SMARCC1: variants seen among roughly 807,000 people sequenced by gnomAD.
The protein encoded by SMARCC1 is SWI/SNF related BAF chromatin remodeling complex subunit C1, also known as SWI/SNF complex subunit SMARCC1.
SMARCC1 carries 43 observed loss-of-function variants against 147.4 expected under a neutral mutation model. The ratio of observed to expected loss-of-function variants is 0.29; its 90% CI spans 0.23 to 0.38. The LOEUF (loss-of-function observed/expected upper bound fraction) is 0.38, where lower values mean the gene tolerates loss of function less well. Among genes scored for constraint, SMARCC1 ranks in the 10% least tolerant of loss-of-function variants. SMARCC1 has a pLI of 1.00. For missense variants in SMARCC1, 1,119 were observed against 1,381.1 expected (o/e 0.81, Z 3.01); for synonymous variants, 495 against 484.4 (o/e 1.02, Z -0.29).
At position 47,706,541 on chromosome 3, in the gene SMARCC1, G is replaced by T; in HGVS notation, c.919-11C>A. 6.5e-7 allele frequency: 1 copy of T among 1,546,120 alleles called. No individual in the cohort carries two copies. The highest frequency in any genetic ancestry group is 8.7e-7 in the Non-Finnish European group (1 of 1,151,572). On this transcript the variant is annotated splice_polypyrimidine_tract_variant and intron_variant, in intron 9 of 27. Coordinates refer to ENST00000254480, the MANE Select transcript of SMARCC1 (RefSeq NM_003074.4). ...TGGACTTCTGACTGGCTAGGAAGAA[G>T]TAAATGGAAATAAGTATCAGCTATC...
intron 14 of SMARCC1, among the ~76,000 whole-genome samples, chr3:47,682,645 T>C (rs940479989): frequency 6.6e-6 from 1 of 152,200 alleles, no homozygotes; most frequent in Non-Finnish European, 1.5e-5. Context: ...AGTTTGTCAA[T>C]TTTAACAGAA....
intron 19 of SMARCC1, among the ~76,000 whole-genome samples, chr3:47,663,123 AAGGGAGGG>A (rs1245695093): frequency 9.5e-6 from 1 of 105,448 alleles, no homozygotes; most frequent in African/African-American, 3.5e-5. Flanking sequence ...GGAGGGAAGG[AAGGGAGGG>A]AGGGAGGGAG....
At chr3:47,685,957 T>A (rs878912962) in intron 14 of SMARCC1, 92 bp downstream of exon 14, 3 of 974,522 alleles carry the variant, frequency 3.1e-6, no homozygotes, top group Non-Finnish European at 4.6e-6. Flanking sequence ...TAATTTCTGA[T>A]AAGGAACATG....
At chr3:47,664,028 T>C (rs2106739926) in intron 19 of SMARCC1, 1 of 675,324 alleles carries the variant, frequency 1.5e-6, no homozygotes, top group Non-Finnish European at 2.4e-6. Flanking sequence ...CTCCTCTCCT[T>C]TGAGAGGCCC....
chr3:47,632,216 C>A (rs756311564), intron 24 of SMARCC1, among the ~76,000 whole-genome samples: 1 of 152,084 alleles, frequency 6.6e-6, no homozygotes, highest in Non-Finnish European at 1.5e-5. Context: ...GTAGTGTATA[C>A]CAGGCAAATC....
chr3:47,651,141 T>C (rs184149732), intron 21 of SMARCC1, among the ~76,000 whole-genome samples: 1 of 151,988 alleles, frequency 6.6e-6, no homozygotes, highest in East Asian at 1.9e-4. Flanking sequence ...CCTGCCTCTA[T>C]AAAAAACACA....
intron 4 of SMARCC1, 99 bp downstream of exon 4, chr3:47,737,930 T>A (rs2034463749): frequency 2.9e-6 from 2 of 687,872 alleles, no homozygotes; most frequent in South Asian, 3.9e-5. Flanking sequence ...CCCAAAGTGC[T>A]GGGATTACAG....
At chr3:47,766,494 G>C (rs978638999) in intron 2 of SMARCC1, among the ~76,000 whole-genome samples, 1 of 151,882 alleles carries the variant, frequency 6.6e-6, no homozygotes, top group Non-Finnish European at 1.5e-5. Flanking sequence ...CCTGAGTCTG[G>C]AAAGTCATGG....
chr3:47,740,176 A>ATTTTTTTT (rs1392460197), intron 3 of SMARCC1, among the ~76,000 whole-genome samples: 1 of 72,594 alleles, frequency 1.4e-5, no homozygotes, highest in African/African-American at 4.7e-5. Context: ...ACGCCCGGCC[A>ATTTTTTTT]TCTTTTTTTT....
chr3:47,742,042 G>A (rs539837542), intron 3 of SMARCC1, among the ~76,000 whole-genome samples: 1 of 151,944 alleles, frequency 6.6e-6, no homozygotes, highest in East Asian at 1.9e-4. Flanking sequence ...TTGTTGTCTT[G>A]CCTTTGGCTC....
Position 47,686,132 on chromosome 3 carries a change from T to C in SMARCC1, c.1302A>G (p.Ser434=). The C allele has an allele frequency of 6.2e-7, 1 of 1,611,626 alleles. No individual in the cohort carries two copies. The part of the protein sequence containing the change: ...EDPAKGDQSR[S]VDLGEDNVTE... ...TCACATTATCTTCCCCAAGGTCAAC[T>C]GATCGACTCTGATCACCTTTGGCAG... The change falls in exon 14 of 28, where the codon TCA becomes TCG. Residue 434 remains serine (S), a synonymous_variant. Transcript: ENST00000254480.
intron 10 of SMARCC1, among the ~76,000 whole-genome samples, chr3:47,704,911 T>C (rs1421885398): frequency 6.8e-6 from 1 of 146,278 alleles, no homozygotes; most frequent in African/African-American, 2.5e-5. Flanking sequence ...AGCAAGACCC[T>C]GTCTCAAAAA....
In SMARCC1 at chr3:47,706,466, G is replaced by A. The variant is rs747624937; in HGVS notation, c.983C>T (p.Ser328Leu). 1.2e-5 allele frequency: 19 copies of A among 1,579,404 alleles called. No individual in the cohort carries two copies. The highest frequency in any genetic ancestry group is 1.4e-5 in the Non-Finnish European group (16 of 1,166,464). Residue 328 changes from serine (S) to leucine (L), a missense_variant, in exon 10 of 28, where the codon TCG (serine) becomes TTG (leucine). By Grantham distance (145) the Ser-to-Leu change is moderately radical (BLOSUM62 -2). Around this residue, in one of 6 missense-constraint regions of SMARCC1, gnomAD observed 542 missense variants for 611.8 expected, o/e 0.89. Transcript: ENST00000254480. ...TGGTGTCGGAGGGGGAGGCGAAGGCGAATGTTTCCTCTTTCGAGCATTAGC... is the reference window on the plus strand; with the variant it reads ...TGGTGTCGGAGGGGGAGGCGAAGGCAAATGTTTCCTCTTTCGAGCATTAGC... ...ASANARKRKH[S>L]PSPPPPTPTE... is the part of the protein sequence containing the mutation.
chr3:47,662,811 G>A (rs1273675182), intron 19 of SMARCC1, among the ~76,000 whole-genome samples: 1 of 151,790 alleles, frequency 6.6e-6, no homozygotes, highest in Non-Finnish European at 1.5e-5. Context: ...GGTGGCTCAC[G>A]CGTATAATCT....
chr3:47,764,563 T>C (rs1405076840), intron 2 of SMARCC1, among the ~76,000 whole-genome samples: 2 of 152,216 alleles, frequency 1.3e-5, no homozygotes, highest in African/African-American at 2.4e-5. Context: ...TTCCAGAGCC[T>C]TGCCCACCAC....
chr3:47,722,855 T>C (rs2034249612), intron 6 of SMARCC1, among the ~76,000 whole-genome samples: 1 of 152,008 alleles, frequency 6.6e-6, no homozygotes, highest in African/African-American at 2.4e-5. Flanking sequence ...ATCACAATAG[T>C]CAAGAGGTAG....
chr3:47,631,244 C>T (rs577162696), intron 24 of SMARCC1, among the ~76,000 whole-genome samples: 1 of 152,142 alleles, frequency 6.6e-6, no homozygotes, highest in South Asian at 2.1e-4. Flanking sequence ...TTCCCGTTGT[C>T]CCAGAGCTAA....
intron 3 of SMARCC1, 132 bp from the exon 4 acceptor site, chr3:47,738,242 A>G: frequency 1.7e-6 from 1 of 586,512 alleles, no homozygotes; most frequent in Non-Finnish European, 3.0e-6. Context: ...TGTGTGAGAC[A>G]TTCTCTCAGT....
chr3:47,631,722 A>G (rs1324541359), intron 24 of SMARCC1, among the ~76,000 whole-genome samples: 3 of 152,262 alleles, frequency 2.0e-5, no homozygotes, highest in African/African-American at 4.8e-5. Flanking sequence ...CCACGTCAGT[A>G]TGACAAAAGA....
Sources: gnomAD v4.1 joint callset for allele counts (sites outside exome capture counted in the v4.1 genomes callset) on GRCh38, gnomAD v4.1.1 for gene constraint, gnomAD v4.1.1 regional missense constraint, MANE v1.5 for transcripts, NCBI Gene and HGNC (gene_info 2026-07-23, HGNC 2026-07-21) for gene names.